The following SYNPO variants were observed in gnomAD, a reference collection of about 807,000 sequenced individuals.
The protein encoded by SYNPO is synaptopodin.
SYNPO carries 19 observed loss-of-function variants against 49.5 expected under a neutral mutation model. The observed-to-expected ratio is 0.38, with a 90% CI of 0.27 to 0.56. The LOEUF is 0.56. Among genes scored for constraint, SYNPO ranks in the 20% least tolerant of loss-of-function variants. The probability of loss-of-function intolerance (pLI) is 0.68; values close to 1 mark genes in which losing one functional copy is unlikely to be tolerated. For missense variants in SYNPO, 1,131 were observed against 1,248.3 expected (o/e 0.91, Z 1.42); for synonymous variants, 536 against 548.0 (o/e 0.98, Z 0.31).
In SYNPO at chr5:150,656,741, CA is replaced by C; in HGVS notation, c.2367del (p.Pro790ArgfsTer149). 2 of 1,264,064 alleles carry C rather than the reference CA, an allele frequency of 1.6e-6. No homozygotes were observed. Among genetic ancestry groups the C allele is most frequent in the Non-Finnish European group, 9.9e-7 (1 of 1,011,718 alleles). The allele number at this position is 1,264,064 out of a possible 1,614,324, so 78.3% of individuals were successfully genotyped here. On this transcript the variant is annotated frameshift_variant, in exon 3 of 3. Transcript: ENST00000307662. LOFTEE classifies it low-confidence loss of function (END_TRUNC). ...NPRPFSPPRA[P>X]PPPPPPPPPP... ...CGGCCCTTCTCCCCGCCGAGGGCGC[CA>C]CCGCCCCCGCCCCCGCCCCCGCCCC...
the SYNPO span, among the ~76,000 whole-genome samples, chr5:150,594,150 T>A: frequency 1.3e-5 from 2 of 152,116 alleles, no homozygotes; most frequent in African/African-American, 4.8e-5. Context: ...AGGCGCTCTG[T>A]GGAATCCTGT....
At chr5:150,632,983 C>T (rs769712476) in intron 2 of SYNPO, among the ~76,000 whole-genome samples, 3 of 152,176 alleles carry the variant, frequency 2.0e-5, no homozygotes, top group Non-Finnish European at 4.4e-5. Context: ...ATCGTCCCTG[C>T]TCAGAGTCCC....
At chr5:150,651,139 G>A in intron 2 of SYNPO, 14 of 1,052,268 alleles carry the variant, frequency 1.3e-5, no homozygotes, top group Middle Eastern at 4.5e-4. Flanking sequence ...CCCTGTAGGG[G>A]GCTGTGCAGA....
rs755694682 is a variant in SYNPO at position 150,649,653 on chromosome 5, C to T, written c.1378C>T (p.Arg460Cys). 4.3e-5 allele frequency: 70 copies of T among 1,609,338 alleles called. No individual in the cohort carries two copies. In the South Asian group the frequency reaches 4.5e-4, roughly 10 times the overall value. Residue 460 changes from arginine to cysteine, a missense_variant, in exon 2 of 3, where the codon CGC becomes TGC. Around this residue, in one of 4 missense-constraint regions of SYNPO, gnomAD observed 602 missense variants for 720.7 expected, o/e 0.84. Coordinates refer to ENST00000307662, the MANE Select transcript of SYNPO (RefSeq NM_007286.6). ...GTGGGCCTCCTGCCTCAAGTCACCC[C>T]GCATCCAGGCCAAGCCGAAGCCCAA... The part of the protein sequence containing the change: ...PEWASCLKSP[R>C]IQAKPKPKPN...
At chr5:150,610,366 T>G (rs1756813890) in intron 1 of SYNPO, among the ~76,000 whole-genome samples, 1 of 152,206 alleles carries the variant, frequency 6.6e-6, no homozygotes, top group Non-Finnish European at 1.5e-5. Flanking sequence ...AAACCTCCAG[T>G]GACCACGCCA....
At position 150,656,630 on chromosome 5, in the gene SYNPO, A is replaced by C; in HGVS notation, c.2255A>C (p.Gln752Pro). 2 of 1,510,180 alleles carry C rather than the reference A, an allele frequency of 1.3e-6. No homozygotes were observed. Among genetic ancestry groups the C allele is most frequent in the Non-Finnish European group, 1.8e-6 (2 of 1,137,298 alleles). 93.5% of individuals were successfully genotyped at this position (1,510,180 alleles called of 1,614,324 possible). A position where few individuals can be genotyped will look rare whatever the true frequency, so the allele number is the denominator to read the frequency against. The stretch of plus-strand genomic sequence containing the variant: ...ACCGAGGCGCGGCCCCCCAGCCGCC[A>C]GCTGCAGGCGCTTCTGGCGCGAAAC... Reference protein sequence around the residue: ...PETEARPPSRQLQALLARNII... With the variant: ...PETEARPPSRPLQALLARNII... The change falls in exon 3 of 3, where the codon CAG (glutamine) becomes CCG (proline). Residue 752 changes from glutamine (Q) to proline (P), a missense_variant. Coordinates refer to ENST00000307662, the MANE Select transcript of SYNPO (RefSeq NM_007286.6).
chr5:150,623,935 A>G (rs1757261641), intron 2 of SYNPO, among the ~76,000 whole-genome samples: 1 of 152,210 alleles, frequency 6.6e-6, no homozygotes, highest in African/African-American at 2.4e-5. Flanking sequence ...ACTTGCCATC[A>G]GTCCTGTGCC....
chr5:150,612,189 C>T (rs898989394), intron 1 of SYNPO, among the ~76,000 whole-genome samples: 17 of 152,194 alleles, frequency 1.1e-4, no homozygotes, highest in Admixed American at 2.6e-4. Context: ...GTTCCCCTAC[C>T]CTAGACTGGT....
chr5:150,597,086 C>A (rs1043818729), upstream of SYNPO, among the ~76,000 whole-genome samples: 4 of 152,230 alleles, frequency 2.6e-5, no homozygotes, highest in African/African-American at 9.6e-5. Flanking sequence ...CTTCCTGTGG[C>A]TTCTGCTAAG....
At chr5:150,596,895 C>T (rs1487864865), upstream of SYNPO, among the ~76,000 whole-genome samples, 1 of 152,212 alleles carries the variant, frequency 6.6e-6, no homozygotes, top group East Asian at 1.9e-4. Flanking sequence ...CATCATGTAC[C>T]CAACCATTAG....
intron 2 of SYNPO, among the ~76,000 whole-genome samples, chr5:150,654,749 G>A (rs1758499728): frequency 1.3e-5 from 2 of 152,238 alleles, no homozygotes; most frequent in African/African-American, 4.8e-5. Context: ...TCCCTGTTCA[G>A]GCATCCAAGG....
intron 1 of SYNPO, among the ~76,000 whole-genome samples, chr5:150,601,739 G>T (rs144180261): frequency 6.6e-6 from 1 of 152,110 alleles, no homozygotes; most frequent in African/African-American, 2.4e-5. Flanking sequence ...GTCCTCTGGG[G>T]TGAGAGGACA....
At chr5:150,654,108 TA>T (rs1229448431) in intron 2 of SYNPO, 5 of 152,170 alleles carry the variant, frequency 3.3e-5, no homozygotes, top group Non-Finnish European at 5.9e-5. Context: ...GATGAAAGAA[TA>T]AATCTTTGGA....
At chr5:150,616,297 C>G (rs1756982175) in intron 1 of SYNPO, among the ~76,000 whole-genome samples, 1 of 152,212 alleles carries the variant, frequency 6.6e-6, no homozygotes, top group Admixed American at 6.5e-5. Context: ...CCTCAGGTCA[C>G]TCATGTCCAC....
In SYNPO at chr5:150,606,304, A is replaced by G. The variant is rs553771623; in HGVS notation, c.-266+5116A>G. Among the ~76,000 whole-genome samples the G allele has an allele frequency of 5.9e-5, 9 of 152,288 alleles. No homozygotes were observed. The South Asian group carries it at 1.9e-3, about 32-fold the overall frequency. On this transcript the variant is annotated intron_variant, in intron 1 of 2. Coordinates refer to the SYNPO transcript ENST00000394243. ...GCTCCCCTCTGCCCCAACAACTTAC[A>G]CAGTCTCAACCCCCTCACTGCAGTA...
chr5:150,637,424 A>G (rs1757752708), upstream of SYNPO, among the ~76,000 whole-genome samples: 1 of 152,234 alleles, frequency 6.6e-6, no homozygotes. Flanking sequence ...CTGAAACCGA[A>G]TGCCTCGCAC....
chr5:150,647,663 T>C (rs559393867), intron 1 of SYNPO, among the ~76,000 whole-genome samples: 4 of 152,168 alleles, frequency 2.6e-5, no homozygotes, highest in South Asian at 2.1e-4. Flanking sequence ...TAAAGTGCCA[T>C]ATCAGCAACT....
chr5:150,653,543 C>T (rs1435985892), intron 2 of SYNPO: 1 of 152,210 alleles, frequency 6.6e-6, no homozygotes, highest in East Asian at 1.9e-4. Context: ...GTCATGAACT[C>T]TAGGCCCTAC....
chr5:150,649,613 G>C lies in SYNPO; in HGVS notation c.1338G>C (p.Glu446Asp), dbSNP rs753838353. 21 of 1,608,986 alleles carry C rather than the reference G, an allele frequency of 1.3e-5. No homozygotes were observed. The highest frequency in any genetic ancestry group is 1.8e-5 in the Non-Finnish European group (21 of 1,179,260). Residue 446 changes from glutamate to aspartate, a missense_variant, in exon 2 of 3, where the codon GAG (glutamate) becomes GAC (aspartate). Coordinates refer to ENST00000307662, the MANE Select transcript of SYNPO (RefSeq NM_007286.6). The part of the protein sequence containing the change: ...PRDRASPAAA[E>D]EVVPEWASCL... ...ACAGGGCCAGCCCCGCGGCGGCGGAGGAGGTGGTACCAGAGTGGGCCTCCT... is the reference window on the plus strand; with the variant it reads ...ACAGGGCCAGCCCCGCGGCGGCGGACGAGGTGGTACCAGAGTGGGCCTCCT...
Sources: gnomAD v4.1 joint callset for allele counts (sites outside exome capture counted in the v4.1 genomes callset) on GRCh38, gnomAD v4.1.1 for gene constraint, gnomAD v4.1.1 regional missense constraint, MANE v1.5 for transcripts, NCBI Gene and HGNC (gene_info 2026-07-23, HGNC 2026-07-21) for gene names.